The following SLAIN1 variants were observed in gnomAD, a reference collection of about 807,000 sequenced individuals.
SLAIN1 encodes the protein SLAIN family member 1.
SLAIN1 carries 17 observed loss-of-function variants against 55.4 expected under a neutral mutation model. The ratio of observed to expected loss-of-function variants is 0.31; its 90% CI spans 0.21 to 0.46. The LOEUF is 0.46. Among genes scored for constraint, SLAIN1 ranks in the 20% least tolerant of loss-of-function variants. The pLI, the probability that SLAIN1 is intolerant of heterozygous loss-of-function variation, is 1.00. For missense variants in SLAIN1, 682 were observed against 785.1 expected, an observed-to-expected ratio of 0.87 and a Z score of 1.57; for synonymous variants, 348 against 337.4, an observed-to-expected ratio of 1.03 and a Z score of -0.35.
At chr13:77,719,412 G>C (rs1283212302) in intron 1 of SLAIN1, 120 bp from the exon 2 acceptor site, 1 of 608,728 alleles carries the variant, frequency 1.6e-6, no homozygotes, top group African/African-American at 1.9e-5. Flanking sequence ...CTGATACTTT[G>C]AAGTCATCAA....
In SLAIN1 at chr13:77,698,394, G is replaced by A; in HGVS notation, c.481G>A (p.Gly161Ser). 1.4e-6 allele frequency: 2 copies of A among 1,413,840 alleles called. No homozygotes were observed. The highest frequency in any genetic ancestry group is 1.8e-6 in the Non-Finnish European group (2 of 1,085,222). The allele number at this position is 1,413,840 out of a possible 1,614,324, so 87.6% of individuals were successfully genotyped here. Residue 161 changes from glycine to serine, a missense_variant, in exon 1 of 7, where the codon GGT becomes AGT. Physicochemically the swap from Gly to Ser is moderately conservative, Grantham distance 56. Transcript: ENST00000418532. The surrounding 1 kb of genome is among the most constrained non-coding windows in gnomAD (Gnocchi z 4.1). ...GGCAGCAGGCTTCTTCGGCGCGGGC[G>A]GTGGCGGGCCGGAGCCGGGGGGCGC... ...KPAAGFFGAG[G>S]GGPEPGGAGT...
intron 2 of SLAIN1, among the ~76,000 whole-genome samples, chr13:77,730,611 A>G (rs1315529717): frequency 6.6e-6 from 1 of 152,164 alleles, no homozygotes; most frequent in Non-Finnish European, 1.5e-5. Flanking sequence ...CTATATAGTA[A>G]TAAGTTTAAT....
intron 2 of SLAIN1, chr13:77,743,250 G>C (rs182408532): frequency 9.0e-7 from 1 of 1,110,750 alleles, no homozygotes; most frequent in Non-Finnish European, 1.2e-6. Flanking sequence ...CATTTGAAAA[G>C]CTTGAGAATA....
At chr13:77,753,423 T>C (rs1874383435) in intron 5 of SLAIN1, 65 bp downstream of exon 5, 1 of 931,396 alleles carries the variant, frequency 1.1e-6, no homozygotes, top group Non-Finnish European at 1.4e-6. Context: ...AATTTTTAAT[T>C]GTAAGGAAAA....
At chr13:77,725,198 C>T (rs988897415) in intron 2 of SLAIN1, among the ~76,000 whole-genome samples, 3 of 152,154 alleles carry the variant, frequency 2.0e-5, no homozygotes, top group South Asian at 2.1e-4. Flanking sequence ...AGACTAGCAT[C>T]AGTTGAAGTA....
chr13:77,739,785 C>T (rs1359352451), intron 2 of SLAIN1, among the ~76,000 whole-genome samples: 1 of 151,922 alleles, frequency 6.6e-6, no homozygotes, highest in Non-Finnish European at 1.5e-5. Context: ...TTATGATTTT[C>T]TTGATTTTAT....
At chr13:77,737,303 G>A (rs1873171056) in intron 2 of SLAIN1, among the ~76,000 whole-genome samples, 1 of 151,914 alleles carries the variant, frequency 6.6e-6, no homozygotes, top group African/African-American at 2.4e-5. Context: ...ACCTCATGAT[G>A]TCTCACCAGG....
chr13:77,762,517 A>T (rs1193506513), intron 6 of SLAIN1, among the ~76,000 whole-genome samples: 1 of 151,956 alleles, frequency 6.6e-6, no homozygotes, highest in Non-Finnish European at 1.5e-5. Flanking sequence ...GGCTCAAGTG[A>T]TCCTCCTGCC....
At chr13:77,724,198 G>C (rs987942942) in intron 2 of SLAIN1, among the ~76,000 whole-genome samples, 2 of 152,202 alleles carry the variant, frequency 1.3e-5, no homozygotes, top group Non-Finnish European at 2.9e-5. Flanking sequence ...CAAAGTAGGA[G>C]AGGAGCAGTT....
intron 1 of SLAIN1, among the ~76,000 whole-genome samples, chr13:77,700,801 A>T (rs1294211950): frequency 6.6e-6 from 1 of 152,114 alleles, no homozygotes. Context: ...GTGGGTATAT[A>T]GTACCTTATT....
intron 2 of SLAIN1, among the ~76,000 whole-genome samples, chr13:77,744,000 T>TA (rs1271909283): frequency 2.0e-5 from 3 of 152,132 alleles, no homozygotes; most frequent in South Asian, 4.1e-4. Flanking sequence ...TTTATTGTGA[T>TA]AAAAAATATA....
rs2090988440 is a variant in SLAIN1 at position 77,697,806 on chromosome 13, G to GC, written c.-102dup. 5 of 1,127,930 alleles carry GC rather than the reference G, an allele frequency of 4.4e-6. No individual in the cohort carries two copies. The highest frequency in any genetic ancestry group is 4.1e-5 in the East Asian group (1 of 24,168). 69.9% of individuals were successfully genotyped at this position (1,127,930 alleles called of 1,614,324 possible). A position where few individuals can be genotyped will look rare whatever the true frequency, so the allele number is the denominator to read the frequency against. ...CTCGGCCTCAGCCCGCGCGTGGTCGGCCCCCCAGGCCGGGGCGACAGGGAA... is the reference window on the plus strand; with the variant it reads ...CTCGGCCTCAGCCCGCGCGTGGTCGGCCCCCCCAGGCCGGGGCGACAGGGAA... On this transcript the variant is annotated 5_prime_UTR_variant, in exon 1 of 7. The change abolishes the stop of an existing upstream ORF in the 5' untranslated region. Coordinates refer to ENST00000418532, the MANE Select transcript of SLAIN1 (RefSeq NM_001242868.2).
chr13:77,737,059 A>G (rs1873155104), intron 2 of SLAIN1, among the ~76,000 whole-genome samples: 1 of 151,558 alleles, frequency 6.6e-6, no homozygotes, highest in Non-Finnish European at 1.5e-5. Context: ...ACAAGCATGT[A>G]GGCATTTCCA....
intron 1 of SLAIN1, among the ~76,000 whole-genome samples, chr13:77,705,646 T>TA (rs1316176848): frequency 6.8e-6 from 1 of 148,042 alleles, no homozygotes; most frequent in Non-Finnish European, 1.5e-5. Context: ...AAATACAGAT[T>TA]TTTTTTTTTT....
At position 77,698,237 on chromosome 13, in the gene SLAIN1, CGGCAGCGGTAGT is replaced by C. The variant is rs2090994065; in HGVS notation, c.333_344del (p.Ser112_Gly115del). On this transcript the variant is annotated inframe_deletion, in exon 1 of 7. Transcript: ENST00000418532. This position sits in a 1 kb window ranked among gnomAD's most constrained non-coding sequence, Gnocchi z 4.1. The stretch of plus-strand genomic sequence containing the variant: ...TGGCGCTGGGCGCGGGGGGCGGTGG[CGGCAGCGGTAGT>C]GGCAGCGGCGGTGGCTCCAGCCCCG... 3 of 1,357,170 alleles carry C rather than the reference CGGCAGCGGTAGT, an allele frequency of 2.2e-6. No homozygotes were observed. The highest frequency in any genetic ancestry group is 2.9e-6 in the Non-Finnish European group (3 of 1,050,410). 84.1% of individuals were successfully genotyped at this position (1,357,170 alleles called of 1,614,324 possible).
At chr13:77,713,196 CA>C (rs2091170639) in intron 1 of SLAIN1, among the ~76,000 whole-genome samples, 1 of 152,144 alleles carries the variant, frequency 6.6e-6, no homozygotes, top group East Asian at 1.9e-4. Context: ...CAACAAAAGC[CA>C]AAATTGACAA....
chr13:77,739,814 A>G (rs1426523214), intron 2 of SLAIN1, among the ~76,000 whole-genome samples: 1 of 152,080 alleles, frequency 6.6e-6, no homozygotes, highest in Non-Finnish European at 1.5e-5. Flanking sequence ...CATTTATCGA[A>G]TCTAGTTTTT....
rs746747290 is a variant in SLAIN1, at chr13:77,698,309, G to C, written c.396G>C (p.Ala132=). 1.4e-6 allele frequency: 2 copies of C among 1,444,732 alleles called. No individual in the cohort carries two copies. Among genetic ancestry groups the C allele is most frequent in the South Asian group, 1.3e-5 (1 of 75,488 alleles). 89.5% of individuals were successfully genotyped at this position (1,444,732 alleles called of 1,614,324 possible). The change falls in exon 1 of 7, where the codon GCG becomes GCC. Residue 132 remains alanine, a synonymous_variant. Coordinates refer to ENST00000418532, the MANE Select transcript of SLAIN1 (RefSeq NM_001242868.2). The surrounding 1 kb of genome is among the most constrained non-coding windows in gnomAD (Gnocchi z 4.1). ...GCACCTTCTGCCTGCCTAGCCCCGC[G>C]CCCTCCCTGCTTTGCAGCCTGGCGC... The part of the protein sequence containing the change: ...FPGTFCLPSP[A]PSLLCSLAQP...
intron 2 of SLAIN1, among the ~76,000 whole-genome samples, chr13:77,730,142 ACT>A (rs1207749434): frequency 1.3e-5 from 2 of 152,056 alleles, no homozygotes; most frequent in Non-Finnish European, 2.9e-5. Flanking sequence ...GAGGGAAATG[ACT>A]CTAAATGAAA....
Sources: allele counts gnomAD v4.1 joint callset (sites outside exome capture counted in the v4.1 genomes callset), GRCh38; gene constraint gnomAD v4.1.1; non-coding constraint Gnocchi (gnomAD v3.1); transcripts MANE v1.5; gene names NCBI Gene and HGNC (gene_info 2026-07-23, HGNC 2026-07-21).